Variants in LRRK1 observed in about 807,000 individuals in gnomAD.
LRRK1 encodes leucine-rich repeat serine/threonine-protein kinase 1.
A neutral mutation model predicts 209.1 loss-of-function variants in LRRK1; 113 were observed. The ratio of observed to expected loss-of-function variants is 0.54; its 90% confidence interval spans 0.46 to 0.63. The LOEUF (loss-of-function observed/expected upper bound fraction) is 0.63, where lower values mean the gene tolerates loss of function less well. Among genes scored for constraint, LRRK1 ranks in the 30% least tolerant of loss-of-function variants. LRRK1 has a pLI of 0.00. For synonymous variants in LRRK1, 1,144 were observed against 1,099.7 expected (o/e 1.04, Z -0.80); for missense variants, 2,284 against 2,632.2 (o/e 0.87, Z 2.89).
intron 27 of LRRK1, among the ~76,000 whole-genome samples, chr15:101,056,105 A>C (rs2035777093): frequency 6.6e-6 from 1 of 152,224 alleles, no homozygotes; most frequent in African/African-American, 2.4e-5. Flanking sequence ...TTCACATTAA[A>C]AATTCTCAAG....
At chr15:100,992,717 G>A (rs2032210724) in intron 6 of LRRK1, among the ~76,000 whole-genome samples, 1 of 152,164 alleles carries the variant, frequency 6.6e-6, no homozygotes, top group Non-Finnish European at 1.5e-5. Context: ...CACCCAGGCT[G>A]GAGTGCAATG....
At chr15:100,929,470 G>A (rs564501409) in intron 2 of LRRK1, among the ~76,000 whole-genome samples, 12 of 152,216 alleles carry the variant, frequency 7.9e-5, no homozygotes, top group Non-Finnish European at 1.3e-4. Flanking sequence ...TGGCTTTTGC[G>A]AATCTGTATT....
intron 12 of LRRK1, among the ~76,000 whole-genome samples, chr15:101,017,690 GTCCCCCTCACCAATGC>G (rs1171867165): frequency 6.6e-6 from 1 of 152,088 alleles, no homozygotes; most frequent in Non-Finnish European, 1.5e-5. Flanking sequence ...TCCCTAAACT[GTCCCCCTCACCAATGC>G]TGCAGTCCAT....
intron 2 of LRRK1, among the ~76,000 whole-genome samples, chr15:100,961,489 C>T (rs951091155): frequency 6.6e-6 from 1 of 152,206 alleles, no homozygotes; most frequent in Non-Finnish European, 1.5e-5. Flanking sequence ...CCTGTCTCTA[C>T]TAAAAATACA....
chr15:100,942,166 T>C (rs2042451262), intron 2 of LRRK1, among the ~76,000 whole-genome samples: 1 of 152,210 alleles, frequency 6.6e-6, no homozygotes, highest in African/African-American at 2.4e-5. Flanking sequence ...AGGTGTGCAC[T>C]TGCAGGAAAT....
chr15:100,943,689 G>A (rs2042485801), intron 2 of LRRK1, among the ~76,000 whole-genome samples: 1 of 149,914 alleles, frequency 6.7e-6, no homozygotes, highest in Admixed American at 6.6e-5. Context: ...TTGTTTGCAA[G>A]TGATCGTATC....
chr15:101,066,276 G>T (rs775150531), intron 32 of LRRK1, 71 bp downstream of exon 32: 20 of 1,513,974 alleles, frequency 1.3e-5, no homozygotes, highest in Non-Finnish European at 1.7e-5. Flanking sequence ...AGAGCAAGGG[G>T]AAGCCCCCTG....
intron 20 of LRRK1, among the ~76,000 whole-genome samples, chr15:101,045,474 T>G (rs1296117169): frequency 6.6e-6 from 1 of 152,226 alleles, no homozygotes; most frequent in Non-Finnish European, 1.5e-5. Flanking sequence ...AACAGGCCTA[T>G]TCTAACTTTT....
intron 20 of LRRK1, among the ~76,000 whole-genome samples, chr15:101,040,984 A>G (rs1011172657): frequency 3.3e-5 from 5 of 152,192 alleles, no homozygotes; most frequent in African/African-American, 4.8e-5. Context: ...CATTCTATCA[A>G]TTACTAAGAG....
chr15:101,065,434 G>C lies in LRRK1; in HGVS notation c.4997G>C (p.Cys1666Ser). ...PVVRGTPKDS[C>S]SYLCSHTANR... ...GTGCGGGGCACCCCAAAGGACAGCTGCTCCTACCTGTGCTCACACACAGCC... is the reference window on the plus strand; with the variant it reads ...GTGCGGGGCACCCCAAAGGACAGCTCCTCCTACCTGTGCTCACACACAGCC... The change falls in exon 32 of 34, where the codon TGC becomes TCC. Residue 1666 changes from cysteine to serine, a missense_variant. Physicochemically the swap from Cys to Ser is moderately radical, Grantham distance 112. This residue lies in a region of LRRK1 where 643 missense variants were observed against 695.9 expected (regional missense o/e 0.92). Transcript: ENST00000388948. The C allele has an allele frequency of 1.9e-6, 3 of 1,614,172 alleles. No individual in the cohort carries two copies. Among genetic ancestry groups the C allele is most frequent in the African/African-American group, 2.7e-5 (2 of 75,068 alleles).
At position 101,049,775 on chromosome 15, in the gene LRRK1, G is replaced by C; in HGVS notation, c.3431G>C (p.Trp1144Ser). 6.2e-7 allele frequency: 1 copy of C among 1,613,218 alleles called. No homozygotes were observed. Among genetic ancestry groups the C allele is most frequent in the Non-Finnish European group, 8.5e-7 (1 of 1,179,536 alleles). Residue 1144 changes from tryptophan (W) to serine (S), a missense_variant, in exon 23 of 34, where the codon TGG (tryptophan) becomes TCG (serine). Trp to Ser is a radical substitution (Grantham distance 177, BLOSUM62 -3). Transcript: ENST00000388948. ...TDHVNSLIDQ[W>S]FPALTATESD... The stretch of plus-strand genomic sequence containing the variant: ...CACGTCAATTCCTTGATTGATCAGT[G>C]GTTTCCCGGTAAGAGGAGATGCTAG...
chr15:101,068,615 A>C, intron 33 of LRRK1, 56 bp from the exon 34 acceptor site: 2 of 1,516,484 alleles, frequency 1.3e-6, no homozygotes, highest in Non-Finnish European at 1.8e-6. Context: ...GGAGGGTCCC[A>C]ACCCCACCCG....
At chr15:101,044,310 G>A (rs1468385509) in intron 20 of LRRK1, among the ~76,000 whole-genome samples, 1 of 152,214 alleles carries the variant, frequency 6.6e-6, no homozygotes, top group Non-Finnish European at 1.5e-5. Context: ...ACTCTGAGAA[G>A]GGCTGCGGCC....
chr15:101,003,374 A>G (rs1433751263), intron 6 of LRRK1, among the ~76,000 whole-genome samples: 2 of 152,216 alleles, frequency 1.3e-5, no homozygotes, highest in Non-Finnish European at 2.9e-5. Flanking sequence ...GCTTTCTCCA[A>G]GAGGAGAAAG....
chr15:100,947,856 T>C (rs1596183481), intron 2 of LRRK1, among the ~76,000 whole-genome samples: 2 of 152,210 alleles, frequency 1.3e-5, no homozygotes, highest in East Asian at 3.9e-4. Flanking sequence ...GTTAAAAAAG[T>C]AGAGGAGGAG....
chr15:100,996,387 C>T (rs914694991), intron 6 of LRRK1, among the ~76,000 whole-genome samples: 1 of 152,252 alleles, frequency 6.6e-6, no homozygotes, highest in Non-Finnish European at 1.5e-5. Context: ...CCTGACTCCT[C>T]TTGGCCTGGC....
chr15:101,043,442 C>T (rs985281957), intron 20 of LRRK1, among the ~76,000 whole-genome samples: 1 of 46,010 alleles, frequency 2.2e-5, no homozygotes, highest in Non-Finnish European at 5.4e-5. Flanking sequence ...TCCATGAGAA[C>T]GTTCAGAGTA....
chr15:101,023,880 T>C (rs928293564), intron 15 of LRRK1, among the ~76,000 whole-genome samples: 1 of 152,216 alleles, frequency 6.6e-6, no homozygotes, highest in African/African-American at 2.4e-5. Flanking sequence ...CAAATCTAGC[T>C]GACTCGAGTC....
intron 6 of LRRK1, among the ~76,000 whole-genome samples, chr15:100,995,444 C>G (rs959766812): frequency 1.3e-5 from 2 of 152,130 alleles, no homozygotes; most frequent in Non-Finnish European, 1.5e-5. Flanking sequence ...ACTGTATGGT[C>G]TGGACTGCTG....
Sources: gnomAD v4.1 joint callset for allele counts (sites outside exome capture counted in the v4.1 genomes callset) on GRCh38, gnomAD v4.1.1 for gene constraint, gnomAD v4.1.1 regional missense constraint, MANE v1.5 for transcripts, NCBI Gene and HGNC (gene_info 2026-07-23, HGNC 2026-07-21) for gene names.